The following CRLF3 variants were observed in gnomAD, a reference collection of about 807,000 sequenced individuals.
The protein encoded by CRLF3 is cytokine receptor-like factor 3.
In CRLF3, 33 loss-of-function variants were observed where a neutral mutation model predicts 55.0. The ratio of observed to expected loss-of-function variants is 0.60; its 90% CI spans 0.46 to 0.80. The LOEUF (loss-of-function observed/expected upper bound fraction) is 0.80, where lower values mean the gene tolerates loss of function less well. CRLF3 is among the 30% of genes least tolerant of loss of function. CRLF3 has a pLI of 0.00. For missense variants in CRLF3, 494 were observed against 538.4 expected, an observed-to-expected ratio of 0.92 and a Z score of 0.82; for synonymous variants, 238 against 196.8, an observed-to-expected ratio of 1.21 and a Z score of -1.75.
intron 2 of CRLF3, 100 bp from the exon 3 acceptor site, chr17:30,797,498 A>C: frequency 1.5e-6 from 1 of 657,452 alleles, no homozygotes; most frequent in South Asian, 2.5e-5. Flanking sequence ...TCTTGCAAAT[A>C]AGTTCTTAAG....
chr17:30,807,050 G>T (rs182528938), intron 1 of CRLF3, among the ~76,000 whole-genome samples: 14 of 152,082 alleles, frequency 9.2e-5, no homozygotes, highest in Non-Finnish European at 1.8e-4. Flanking sequence ...TGACCTGGGC[G>T]ACAGAGCAAG....
chr17:30,791,389 T>A (rs376637834), intron 6 of CRLF3, among the ~76,000 whole-genome samples: 1 of 151,222 alleles, frequency 6.6e-6, no homozygotes, highest in East Asian at 2.0e-4. Context: ...GTATTTTTAG[T>A]AAAGATGGGG....
chr17:30,814,689 A>G (rs1904730532), intron 1 of CRLF3, among the ~76,000 whole-genome samples: 1 of 150,322 alleles, frequency 6.7e-6, no homozygotes, highest in Non-Finnish European at 1.5e-5. Context: ...TATCAAAATT[A>G]TATACATTAC....
At chr17:30,808,872 C>T (rs1472796533) in intron 1 of CRLF3, among the ~76,000 whole-genome samples, 2 of 152,246 alleles carry the variant, frequency 1.3e-5, no homozygotes, top group African/African-American at 4.8e-5. Context: ...GGATTACAGG[C>T]ATGAGCCACC....
At chr17:30,818,636 TA>T (rs904613998) in intron 1 of CRLF3, among the ~76,000 whole-genome samples, 19 of 151,422 alleles carry the variant, frequency 1.3e-4, no homozygotes, top group African/African-American at 4.6e-4. Context: ...GTATTTTTAG[TA>T]AAGATAGGTT....
chr17:30,822,968 G>T (rs1480170254), intron 1 of CRLF3, among the ~76,000 whole-genome samples: 1 of 152,178 alleles, frequency 6.6e-6, no homozygotes. Context: ...GCCTTGAAAA[G>T]TATTCACCAA....
intron 4 of CRLF3, among the ~76,000 whole-genome samples, chr17:30,795,477 C>CA (rs1452045101): frequency 7.1e-6 from 1 of 140,170 alleles, no homozygotes; most frequent in African/African-American, 2.7e-5. Flanking sequence ...GCCTGAACAA[C>CA]AACAACGAAA....
intron 1 of CRLF3, among the ~76,000 whole-genome samples, chr17:30,806,636 G>T (rs1435149857): frequency 3.3e-5 from 5 of 152,096 alleles, no homozygotes; most frequent in Non-Finnish European, 7.4e-5. Flanking sequence ...TAAATAGGTT[G>T]TTTATACAGA....
At chr17:30,793,322 G>C in intron 5 of CRLF3, 128 bp downstream of exon 5, 1 of 672,942 alleles carries the variant, frequency 1.5e-6, no homozygotes, top group South Asian at 2.0e-5. Context: ...AAGACATGGT[G>C]CATGTTGTTC....
intron 6 of CRLF3, among the ~76,000 whole-genome samples, chr17:30,788,994 A>C (rs959015592): frequency 6.6e-6 from 1 of 152,062 alleles, no homozygotes; most frequent in Non-Finnish European, 1.5e-5. Context: ...CTCTTGATTC[A>C]AGTAGGCGCA....
At chr17:30,817,235 C>T (rs2142273819) in intron 1 of CRLF3, among the ~76,000 whole-genome samples, 1 of 151,990 alleles carries the variant, frequency 6.6e-6, no homozygotes, top group South Asian at 2.1e-4. Context: ...CTCAGGAGTT[C>T]AAGACCAGCA....
chr17:30,785,291 G>A (rs1476230866), intron 7 of CRLF3: 1 of 151,450 alleles, frequency 6.6e-6, no homozygotes, highest in Admixed American at 6.6e-5. Context: ...TGGCCGGGCT[G>A]GTCTTGAACT....
At chr17:30,786,700 C>CT (rs1971656511) in intron 6 of CRLF3, 1 of 151,848 alleles carries the variant, frequency 6.6e-6, no homozygotes, top group South Asian at 2.1e-4. Context: ...ATCAATCAAT[C>CT]TATCTATCTA....
chr17:30,815,072 T>TTTTC (rs577690614), intron 1 of CRLF3, among the ~76,000 whole-genome samples: 11 of 146,348 alleles, frequency 7.5e-5, no homozygotes, highest in South Asian at 6.5e-4. Flanking sequence ...TTTCTTTCTT[T>TTTTC]TTTCTTTCTT....
intron 1 of CRLF3, among the ~76,000 whole-genome samples, chr17:30,815,084 C>CTTTTTTTTTTTTTTTTTTTT (rs541526248): frequency 3.7e-5 from 4 of 107,528 alleles, no homozygotes; most frequent in East Asian, 2.6e-4. Flanking sequence ...TTCTTTCTTT[C>CTTTTTTTTTTTTTTTTTTTT]TTTTTTTTTT....
At position 30,785,920 on chromosome 17, in the gene CRLF3, A is replaced by G. The variant is rs143120443; in HGVS notation, c.1071T>C (p.Asn357=). 6.2e-5 allele frequency: 94 copies of G among 1,520,670 alleles called. 1 individual carries two copies. In the African/African-American group the frequency reaches 7.1e-4, roughly 12 times the overall value. 94.2% of individuals were successfully genotyped at this position (1,520,670 alleles called of 1,614,324 possible). A position where few individuals can be genotyped will look rare whatever the true frequency, so the allele number is the denominator to read the frequency against. ...GAATGACAGTTATTTATCTCTTACC[A>G]TTTGTACTAATGCACACAGCTTGAT... ...QRDQAVCIST[N]GAVFVNGKEM... The change falls in exon 7 of 8, where the codon AAT becomes AAC. Residue 357 remains asparagine, a splice_region_variant and synonymous_variant. Transcript: ENST00000324238.
chr17:30,793,881 C>T (rs1971862890), intron 4 of CRLF3, among the ~76,000 whole-genome samples: 1 of 151,808 alleles, frequency 6.6e-6, no homozygotes, highest in African/African-American at 2.4e-5. Flanking sequence ...CTTTGTCACC[C>T]AGGCTGTAGT....
intron 6 of CRLF3, chr17:30,786,596 A>T (rs1319615766): frequency 6.6e-6 from 1 of 152,234 alleles, no homozygotes; most frequent in Non-Finnish European, 1.5e-5. Flanking sequence ...CACGAAAAGA[A>T]AAAAAGATTA....
chr17:30,821,211 G>A (rs913542705), intron 1 of CRLF3, among the ~76,000 whole-genome samples: 2 of 151,572 alleles, frequency 1.3e-5, no homozygotes, highest in African/African-American at 2.4e-5. Context: ...GTGATGGCAC[G>A]TGCCTGTAGT....
Sources: allele counts gnomAD v4.1 joint callset (sites outside exome capture counted in the v4.1 genomes callset), GRCh38; gene constraint gnomAD v4.1.1; transcripts MANE v1.5; gene names NCBI Gene and HGNC (gene_info 2026-07-23, HGNC 2026-07-21).